MGP: variants seen among roughly 807,000 people sequenced by gnomAD.
MGP encodes cell growth-inhibiting gene 36 protein.
In MGP, 13 loss-of-function variants were observed where a neutral mutation model predicts 14.5. The observed-to-expected ratio is 0.89, with a 90% CI of 0.58 to 1.42. MGP has a LOEUF of 1.42. Among genes scored for constraint, MGP ranks in the 40% most tolerant of loss-of-function variants. The probability of loss-of-function intolerance (pLI) is 0.00; values close to 1 mark genes in which losing one functional copy is unlikely to be tolerated. For synonymous variants in MGP, 44 were observed against 46.3 expected, an observed-to-expected ratio of 0.95 and a Z score of 0.20; for missense variants, 128 against 133.7, an observed-to-expected ratio of 0.96 and a Z score of 0.21.
intron 2 of MGP, chr12:14,883,620 G>A (rs988908100): frequency 9.1e-5 from 15 of 164,172 alleles, no homozygotes; most frequent in Admixed American, 6.4e-4. Context: ...ACAACATGGT[G>A]AAACCCCATC....
chr12:14,884,159 G>A (rs1434805640), intron 2 of MGP, 54 bp downstream of exon 2: 2 of 1,329,368 alleles, frequency 1.5e-6, no homozygotes, highest in Non-Finnish European at 2.1e-6. Context: ...TTAAAAATAA[G>A]AAGAGGTTCT....
chr12:14,882,164 A>T lies in MGP; in HGVS notation c.287T>A (p.Phe96Tyr), dbSNP rs1426792516. 9.9e-6 allele frequency: 16 copies of T among 1,613,980 alleles called. No individual in the cohort carries two copies. Among genetic ancestry groups the T allele is most frequent in the Non-Finnish European group, 1.4e-5 (16 of 1,179,962 alleles). ...TCATTTGGTCCCTCGGCGCTTCCTG[A>T]AGTAGCGATTATAGGCAGCATTGTA... Reference protein sequence around the residue: ...YGYNAAYNRYFRKRRGTK With the variant: ...YGYNAAYNRYYRKRRGTK Residue 96 changes from phenylalanine (F) to tyrosine (Y), a missense_variant, in exon 4 of 4, where the codon TTC (phenylalanine) becomes TAC (tyrosine). Coordinates refer to ENST00000539261, the MANE Select transcript of MGP (RefSeq NM_000900.5).
chr12:14,883,268 AG>A, intron 2 of MGP: 1 of 505,330 alleles, frequency 2.0e-6, no homozygotes, highest in South Asian at 2.1e-5. Context: ...CTTGTCATAT[AG>A]GCTTTGTTGG....
chr12:14,885,011 A>G (rs1414590099), intron 1 of MGP: 7 of 678,602 alleles, frequency 1.0e-5, no homozygotes, highest in Non-Finnish European at 1.7e-5. Context: ...AAATTTGTGA[A>G]TACAAGAGTG....
chr12:14,884,574 T>C (rs1863418160), intron 1 of MGP, among the ~76,000 whole-genome samples: 1 of 152,224 alleles, frequency 6.6e-6, no homozygotes, highest in Non-Finnish European at 1.5e-5. Flanking sequence ...CTTTAAGTGC[T>C]GTACAGAAGT....
chr12:14,884,539 G>A (rs540096217), intron 1 of MGP, among the ~76,000 whole-genome samples: 158 of 152,270 alleles, frequency 1.0e-3, no homozygotes, highest in Admixed American at 1.9e-3. Flanking sequence ...GGGCTATGAC[G>A]TCTTCAGACA....
chr12:14,884,999 G>T (rs1863423882), intron 1 of MGP: 2 of 765,010 alleles, frequency 2.6e-6, no homozygotes, highest in Middle Eastern at 2.8e-4. Flanking sequence ...CTCTAATACA[G>T]AAAATTTGTG....
At chr12:14,883,888 C>T in intron 2 of MGP, 1 of 220,400 alleles carries the variant, frequency 4.5e-6, no homozygotes, top group Non-Finnish European at 9.1e-6. Context: ...GACTTGGCGT[C>T]CAGCTCTGTG....
In MGP at chr12:14,882,994, A is replaced by G. The variant is rs373434331; in HGVS notation, c.148T>C (p.Trp50Arg). 5.6e-5 allele frequency: 90 copies of G among 1,612,654 alleles called. No homozygotes were observed. Among genetic ancestry groups the G allele is most frequent in the Non-Finnish European group, 7.0e-5 (82 of 1,178,884 alleles). Reference sequence around the variant, plus strand: ...GACCTCTCTTGGACTTTAGCTCTCCATCTCTGCTGAGGGGATATGAAGGTA... The same window carrying G: ...GACCTCTCTTGGACTTTAGCTCTCCGTCTCTGCTGAGGGGATATGAAGGTA... ...ANTFISPQQR[W>R]RAKVQERIRE... The change falls in exon 3 of 4, where the codon TGG becomes CGG. Residue 50 changes from tryptophan (W) to arginine (R), a missense_variant. Physicochemically the swap from Trp to Arg is moderately radical, Grantham distance 101 (BLOSUM62 -3). Coordinates refer to ENST00000539261, the MANE Select transcript of MGP (RefSeq NM_000900.5).
chr12:14,884,032 A>G (rs2120439776), intron 2 of MGP, 181 bp downstream of exon 2: 1 of 491,098 alleles, frequency 2.0e-6, no homozygotes, highest in Non-Finnish European at 3.7e-6. Context: ...ACTACTTCAA[A>G]CTTAAAAAAT....
rs1470719432 is a variant in MGP at position 14,882,285 on chromosome 12, A to G, written c.171-5T>C. Reference sequence around the variant, plus strand: ...GGCTTAGAGCGTTCTCGGATCCTAGAAAGTGGAAGAAGAGGCCAAAATTGA... The same window carrying G: ...GGCTTAGAGCGTTCTCGGATCCTAGGAAGTGGAAGAAGAGGCCAAAATTGA... On this transcript the variant is annotated splice_region_variant and splice_polypyrimidine_tract_variant and intron_variant, in intron 3 of 3. Transcript: ENST00000539261. The G allele has an allele frequency of 2.5e-6, 4 of 1,614,086 alleles. No individual in the cohort carries two copies. In the South Asian group the frequency reaches 4.4e-5, roughly 18 times the overall value.
intron 2 of MGP, 24 bp from the exon 3 acceptor site, chr12:14,883,071 G>T (rs772250194): frequency 1.3e-6 from 2 of 1,508,324 alleles, no homozygotes; most frequent in Non-Finnish European, 1.8e-6. Flanking sequence ...ATAAATAAAT[G>T]CAGTTTTAGC....
chr12:14,884,253 T>TA lies in MGP; in HGVS notation c.62-9dup, dbSNP rs11393307. The TA allele has an allele frequency of 0.29, 358,286 of 1,229,448 alleles. 29,369 individuals are homozygous for TA. Among genetic ancestry groups the TA allele is most frequent in the Non-Finnish European group, 0.31 (269,488 of 877,796 alleles). The allele number at this position is 1,229,448 out of a possible 1,614,324, so 76.2% of individuals were successfully genotyped here. On this transcript the variant is annotated splice_polypyrimidine_tract_variant and intron_variant, in intron 1 of 3. Transcript: ENST00000539261. ...CCATGCTTTCATGTGATTCTGAAAT[T>TA]AAAAAAAAAAGATTCATTATATCAA... is the stretch of plus-strand genomic sequence containing the variant.
chr12:14,884,104 G>T, intron 2 of MGP, 109 bp downstream of exon 2: 2 of 867,730 alleles, frequency 2.3e-6, no homozygotes, highest in South Asian at 1.9e-5. Context: ...TTCCAAAAGA[G>T]GCCCCCTTTT....
At chr12:14,883,407 T>C (rs1246404088) in intron 2 of MGP, 1 of 328,714 alleles carries the variant, frequency 3.0e-6, no homozygotes, top group Non-Finnish European at 5.9e-6. Flanking sequence ...TGCCGATACA[T>C]GAACAGTTTA....
Position 14,882,094 on chromosome 12 carries a change from G to T in MGP, c.*45C>A, listed in dbSNP as rs753920228. On this transcript the variant is annotated 3_prime_UTR_variant, in exon 4 of 4. Coordinates refer to ENST00000539261, the MANE Select transcript of MGP (RefSeq NM_000900.5). ...CTGCTACAGGGGGATACAAAATCAG[G>T]TGCCAGCCTCCAGAAAAAAAGAGAT... 2 of 1,610,560 alleles carry T rather than the reference G, an allele frequency of 1.2e-6. No individual in the cohort carries two copies. Among genetic ancestry groups the T allele is most frequent in the South Asian group, 2.2e-5 (2 of 90,990 alleles).
chr12:14,883,922 C>T (rs1315029978), intron 2 of MGP: 2 of 269,434 alleles, frequency 7.4e-6, no homozygotes, highest in South Asian at 6.0e-5. Flanking sequence ...CATTACTCCT[C>T]GTTTTCCATC....
rs200793426 is a variant in MGP at position 14,882,348 on chromosome 12, GAA to G, written c.171-70_171-69del. The G allele has an allele frequency of 5.7e-3, 8,894 of 1,564,396 alleles. 191 individuals are homozygous for G. Among genetic ancestry groups the G allele is most frequent in the South Asian group, 0.039 (3,515 of 90,006 alleles). On this transcript the variant is annotated intron_variant, in intron 3 of 3. Transcript: ENST00000539261. The stretch of plus-strand genomic sequence containing the variant: ...GGAAAAATACAAAAATGGAAAAGAA[GAA>G]GAAAATATTGGAGAGACTTTCTCTC...
At position 14,883,996 on chromosome 12, in the gene MGP, C is replaced by T. The variant is rs184148513; in HGVS notation, c.94+217G>A. ...GAGATTTTATGGCTTCTAAATATGT[C>T]GCCTGTAGCTTAAATCCCATATTGC... On this transcript the variant is annotated intron_variant, in intron 2 of 3. Transcript: ENST00000539261. 150 of 393,432 alleles carry T rather than the reference C, an allele frequency of 3.8e-4. 1 individual carries two copies. Among genetic ancestry groups the T allele is most frequent in the African/African-American group, 2.6e-3 (130 of 49,350 alleles). 24.4% of individuals were successfully genotyped at this position (393,432 alleles called of 1,614,324 possible).
Sources: gnomAD v4.1 joint callset for allele counts (sites outside exome capture counted in the v4.1 genomes callset) on GRCh38, gnomAD v4.1.1 for gene constraint, MANE v1.5 for transcripts, NCBI Gene and HGNC (gene_info 2026-07-23, HGNC 2026-07-21) for gene names.